Variants in JARID2 observed in about 807,000 individuals in gnomAD.
JARID2 encodes the protein protein Jumonji.
Under a neutral mutation model 125.6 loss-of-function variants are expected in JARID2, and 21 were observed. The ratio of observed to expected loss-of-function variants is 0.17; its 90% CI spans 0.12 to 0.24. The LOEUF (loss-of-function observed/expected upper bound fraction) is 0.24. Ranked by LOEUF, JARID2 falls within the 10% of genes least tolerant of loss-of-function variation. The pLI is 1.00. For missense variants in JARID2, 1,303 were observed against 1,639.6 expected, an observed-to-expected ratio of 0.79 and a Z score of 3.55; for synonymous variants, 736 against 661.6, an observed-to-expected ratio of 1.11 and a Z score of -1.73.
At chr6:15,434,447 T>G (rs1321105900) in intron 3 of JARID2, among the ~76,000 whole-genome samples, 2 of 152,068 alleles carry the variant, frequency 1.3e-5, no homozygotes, top group Non-Finnish European at 2.9e-5. Context: ...GAAGGGCAAA[T>G]AGGGTCAGCT....
intron 1 of JARID2, chr6:15,247,624 T>C (rs766434187): frequency 5.1e-6 from 5 of 984,724 alleles, no homozygotes; most frequent in Non-Finnish European, 6.0e-6. Context: ...GACAAATTGG[T>C]GTTAATATTT....
intron 2 of JARID2, among the ~76,000 whole-genome samples, chr6:15,383,379 C>T (rs1258040752): frequency 1.3e-5 from 2 of 151,712 alleles, no homozygotes; most frequent in Non-Finnish European, 2.9e-5. Context: ...ATTAATAACT[C>T]CCCCTCCATG....
chr6:15,508,892 A>T, intron 12 of JARID2: 2 of 1,106,010 alleles, frequency 1.8e-6, no homozygotes, highest in Non-Finnish European at 2.4e-6. Flanking sequence ...GCTAACCAGT[A>T]GTAGTGACCG....
At chr6:15,361,621 T>C (rs1055549195) in intron 1 of JARID2, among the ~76,000 whole-genome samples, 4 of 151,818 alleles carry the variant, frequency 2.6e-5, no homozygotes, top group African/African-American at 9.7e-5. Flanking sequence ...CATACCACCT[T>C]TTTTTTTGGC....
intron 3 of JARID2, among the ~76,000 whole-genome samples, chr6:15,430,720 T>C (rs1032860881): frequency 6.6e-6 from 1 of 152,128 alleles, no homozygotes; most frequent in Non-Finnish European, 1.5e-5. Context: ...GTGGGACTTG[T>C]GGGGCATGCT....
At chr6:15,480,753 A>C (rs1317226206) in intron 5 of JARID2, among the ~76,000 whole-genome samples, 1 of 152,234 alleles carries the variant, frequency 6.6e-6, no homozygotes, top group Admixed American at 6.5e-5. Flanking sequence ...AAGAGGAAGC[A>C]GCCAGCTGGT....
intron 1 of JARID2, among the ~76,000 whole-genome samples, chr6:15,296,123 G>C (rs2127403348): frequency 6.6e-6 from 1 of 152,294 alleles, no homozygotes; most frequent in East Asian, 1.9e-4. Flanking sequence ...ACCCAGAAAA[G>C]ATGTTTCCCT....
rs540735552 is a variant in JARID2, at chr6:15,415,369, C to G, written c.323+5004C>G. 7.3e-3 allele frequency among the ~76,000 whole-genome samples: 1,114 copies of G among 151,608 alleles called. 21 individuals carry two copies. The highest frequency in any genetic ancestry group is 0.026 in the African/African-American group (1,064 of 41,348). On this transcript the variant is annotated intron_variant, in intron 3 of 17. Transcript: ENST00000341776. ...GGGGCGGTGGCCGGGCAGAGGGGCT[C>G]CTCACTTCCCTGTAGGGGCGGCCGG...
chr6:15,365,585 T>C (rs1005559151), intron 1 of JARID2, among the ~76,000 whole-genome samples: 3 of 152,130 alleles, frequency 2.0e-5, no homozygotes, highest in Non-Finnish European at 1.5e-5. Context: ...ATAAATCGTT[T>C]TCAGCAGAAG....
chr6:15,270,608 T>C (rs1465676546), intron 1 of JARID2, among the ~76,000 whole-genome samples: 1 of 152,174 alleles, frequency 6.6e-6, no homozygotes, highest in Non-Finnish European at 1.5e-5. Context: ...AGTGACTGTG[T>C]TATTAAGGTG....
intron 1 of JARID2, among the ~76,000 whole-genome samples, chr6:15,278,866 C>T (rs766188153): frequency 3.3e-5 from 5 of 152,080 alleles, no homozygotes; most frequent in African/African-American, 7.2e-5. Context: ...GTCAGGCGTT[C>T]GAGATTAGCC....
rs531214868 is a variant in JARID2, at chr6:15,336,491, G to A, written c.46-37626G>A. The stretch of plus-strand genomic sequence containing the variant: ...TACATTTAAGACAATATTTGTAAAT[G>A]CCTGTGTACAATGACATATAATAAG... On this transcript the variant is annotated intron_variant, in intron 1 of 17. Transcript: ENST00000341776. Among the ~76,000 whole-genome samples, 3 of 152,304 alleles carry A rather than the reference G, an allele frequency of 2.0e-5. No individual in the cohort carries two copies. The East Asian group carries it at 5.8e-4, about 29-fold the overall frequency.
At chr6:15,286,376 C>T (rs1239417098) in intron 1 of JARID2, among the ~76,000 whole-genome samples, 16 of 151,416 alleles carry the variant, frequency 1.1e-4, no homozygotes, top group African/African-American at 3.4e-4. Flanking sequence ...CTCAGCCGCC[C>T]GAGTAGCTGG....
intron 1 of JARID2, among the ~76,000 whole-genome samples, chr6:15,290,635 C>T (rs989965821): frequency 1.3e-5 from 2 of 152,072 alleles, no homozygotes; most frequent in African/African-American, 4.8e-5. Context: ...TTTTTCCCCC[C>T]CAAGACAGTG....
chr6:15,382,435 A>T (rs901202415), intron 2 of JARID2, among the ~76,000 whole-genome samples: 1 of 151,702 alleles, frequency 6.6e-6, no homozygotes, highest in Non-Finnish European at 1.5e-5. Flanking sequence ...TTGGGGTGGC[A>T]GGGGTCAGCA....
chr6:15,247,606 G>T, intron 1 of JARID2: 2 of 984,680 alleles, frequency 2.0e-6, no homozygotes, highest in Non-Finnish European at 2.4e-6. Flanking sequence ...GTTTATTTAA[G>T]TTGGGTAGAC....
At chr6:15,259,164 C>T (rs1183509068) in intron 1 of JARID2, among the ~76,000 whole-genome samples, 1 of 152,168 alleles carries the variant, frequency 6.6e-6, no homozygotes, top group East Asian at 1.9e-4. Flanking sequence ...TTTTTGCATA[C>T]TTTTGAATGA....
intron 1 of JARID2, among the ~76,000 whole-genome samples, chr6:15,362,531 C>G (rs984574425): frequency 6.6e-6 from 1 of 152,108 alleles, no homozygotes; most frequent in African/African-American, 2.4e-5. Context: ...AGCTTTTGCC[C>G]CTATGAGATG....
At chr6:15,353,791 G>A (rs1457622628) in intron 1 of JARID2, among the ~76,000 whole-genome samples, 3 of 152,064 alleles carry the variant, frequency 2.0e-5, no homozygotes, top group Admixed American at 2.0e-4. Flanking sequence ...CTAGGGAAAC[G>A]TAACAGAGAT....
Sources: allele counts gnomAD v4.1 joint callset (sites outside exome capture counted in the v4.1 genomes callset), GRCh38; gene constraint gnomAD v4.1.1; transcripts MANE v1.5; gene names NCBI Gene and HGNC (gene_info 2026-07-23, HGNC 2026-07-21).